The following AP2B1 variants were observed in gnomAD, a reference collection of about 807,000 sequenced individuals.
AP2B1 encodes AP-2 complex subunit beta.
In AP2B1, 23 loss-of-function variants were observed where a neutral mutation model predicts 102.0. That is an observed-to-expected ratio of 0.23 (90% CI 0.16 to 0.32). The LOEUF (loss-of-function observed/expected upper bound fraction) is 0.32. Ranked by LOEUF, AP2B1 falls within the 10% of genes least tolerant of loss-of-function variation. AP2B1 has a pLI of 1.00. For synonymous variants in AP2B1, 381 were observed against 421.2 expected, an observed-to-expected ratio of 0.90 and a Z score of 1.17; for missense variants, 541 against 1,157.4, an observed-to-expected ratio of 0.47 and a Z score of 7.73.
At chr17:35,677,138 T>C (rs187768583) in intron 17 of AP2B1, among the ~76,000 whole-genome samples, 133 of 152,208 alleles carry the variant, frequency 8.7e-4, no homozygotes, top group African/African-American at 3.0e-3. Flanking sequence ...TACACCTGTG[T>C]ACCACCACAC....
intron 2 of AP2B1, among the ~76,000 whole-genome samples, chr17:35,595,344 G>T (rs2073231781): frequency 6.6e-6 from 1 of 152,096 alleles, no homozygotes; most frequent in African/African-American, 2.4e-5. Flanking sequence ...AGGAGTTTGA[G>T]ACCAGCCTGG....
chr17:35,624,098 G>A (rs1001409709), intron 5 of AP2B1, among the ~76,000 whole-genome samples: 2 of 152,094 alleles, frequency 1.3e-5, no homozygotes, highest in African/African-American at 4.8e-5. Flanking sequence ...CATATGTCTT[G>A]ATTTTGAAAG....
chr17:35,631,022 A>G (rs760082539), intron 9 of AP2B1, among the ~76,000 whole-genome samples: 16 of 152,344 alleles, frequency 1.1e-4, no homozygotes, highest in South Asian at 1.0e-3. Flanking sequence ...CAGCATAAGA[A>G]TTGTAATGAA....
intron 2 of AP2B1, among the ~76,000 whole-genome samples, 188 bp from the exon 3 acceptor site, chr17:35,598,042 C>T (rs75787089): frequency 0.063 from 9,527 of 152,244 alleles, 414 homozygotes; most frequent in Middle Eastern, 0.11. Flanking sequence ...ATTTTTAAAA[C>T]TTACTGATGG....
intron 5 of AP2B1, among the ~76,000 whole-genome samples, chr17:35,611,027 A>T (rs2073846374): frequency 6.6e-6 from 1 of 152,078 alleles, no homozygotes; most frequent in South Asian, 2.1e-4. Context: ...GTGAGCTATG[A>T]TTGCACCACT....
At chr17:35,620,716 C>G (rs2074150957) in intron 5 of AP2B1, among the ~76,000 whole-genome samples, 2 of 152,048 alleles carry the variant, frequency 1.3e-5, no homozygotes, top group South Asian at 4.1e-4. Flanking sequence ...ACTCAGGAGG[C>G]TGAGGTGGAA....
In AP2B1 at chr17:35,610,741, A is replaced by G. The variant is rs900226803; in HGVS notation, c.525+2354A>G. On this transcript the variant is annotated intron_variant, in intron 5 of 21. Transcript: ENST00000610402. Reference sequence around the variant, plus strand: ...GCTAACGCGGTGAATCCCCGTCTCTACTAAAAATACAAAAAATTAGCCGGG... The same window carrying G: ...GCTAACGCGGTGAATCCCCGTCTCTGCTAAAAATACAAAAAATTAGCCGGG... 3.2e-4 allele frequency among the ~76,000 whole-genome samples: 48 copies of G among 151,866 alleles called. 1 individual carries two copies.
At chr17:35,590,667 T>C (rs961927798) in intron 1 of AP2B1, among the ~76,000 whole-genome samples, 3 of 152,172 alleles carry the variant, frequency 2.0e-5, no homozygotes, top group Non-Finnish European at 2.9e-5. Context: ...ATCTATCTTA[T>C]AGGCTTCTAA....
At chr17:35,693,823 T>C (rs918525901) in intron 18 of AP2B1, among the ~76,000 whole-genome samples, 4 of 152,182 alleles carry the variant, frequency 2.6e-5, no homozygotes, top group Non-Finnish European at 4.4e-5. Context: ...TATGACCTTC[T>C]TCCCCAGTGG....
chr17:35,709,202 G>T, intron 18 of AP2B1, 22 bp from the exon 19 acceptor site: 1 of 1,611,904 alleles, frequency 6.2e-7, no homozygotes, highest in South Asian at 1.1e-5. Flanking sequence ...GTCCTCATTT[G>T]ACCTTGTTGC....
chr17:35,650,464 A>G, intron 12 of AP2B1, 66 bp from the exon 13 acceptor site: 1 of 1,558,074 alleles, frequency 6.4e-7, no homozygotes, highest in Non-Finnish European at 8.7e-7. Flanking sequence ...TGATAAATCC[A>G]GCAGTTTGGG....
intron 3 of AP2B1, among the ~76,000 whole-genome samples, chr17:35,604,136 C>A (rs1255269365): frequency 6.6e-6 from 1 of 151,992 alleles, no homozygotes; most frequent in Non-Finnish European, 1.5e-5. Context: ...GAGATGGGGT[C>A]TCTCTCTGTT....
chr17:35,681,371 T>C (rs2075819466), intron 17 of AP2B1, among the ~76,000 whole-genome samples: 1 of 152,242 alleles, frequency 6.6e-6, no homozygotes, highest in Non-Finnish European at 1.5e-5. Context: ...ATTATACTTC[T>C]CTTTACAGAG....
At chr17:35,617,294 G>A (rs988400306) in intron 5 of AP2B1, among the ~76,000 whole-genome samples, 1 of 152,164 alleles carries the variant, frequency 6.6e-6, no homozygotes, top group African/African-American at 2.4e-5. Flanking sequence ...GACCTCAAGT[G>A]ATCCGCCTGC....
At chr17:35,656,618 G>A (rs765848026) in intron 13 of AP2B1, among the ~76,000 whole-genome samples, 9 of 152,132 alleles carry the variant, frequency 5.9e-5, no homozygotes, top group African/African-American at 1.2e-4. Context: ...ACTCTTGGCC[G>A]GGTGCGGTGG....
intron 17 of AP2B1, among the ~76,000 whole-genome samples, chr17:35,680,002 C>T (rs919881962): frequency 6.7e-6 from 1 of 150,360 alleles, no homozygotes; most frequent in Non-Finnish European, 1.5e-5. Flanking sequence ...TCTTGGCTCA[C>T]TGCAACCTCC....
At chr17:35,641,369 A>G (rs185654868) in intron 11 of AP2B1, among the ~76,000 whole-genome samples, 3 of 152,184 alleles carry the variant, frequency 2.0e-5, no homozygotes, top group African/African-American at 4.8e-5. Context: ...AGCCAGGGCT[A>G]TGAGACCAGC....
chr17:35,673,479 G>T (rs112519034), intron 16 of AP2B1, among the ~76,000 whole-genome samples: 1 of 152,024 alleles, frequency 6.6e-6, no homozygotes, highest in Non-Finnish European at 1.5e-5. Context: ...GAGCCACCAC[G>T]CCTGGCCTTA....
At chr17:35,607,074 T>A (rs2073704111) in intron 4 of AP2B1, among the ~76,000 whole-genome samples, 2 of 152,116 alleles carry the variant, frequency 1.3e-5, no homozygotes, top group South Asian at 4.1e-4. Context: ...CCTGGCTAAT[T>A]TTGTATATTT....
Sources: gnomAD v4.1 joint callset for allele counts (sites outside exome capture counted in the v4.1 genomes callset) on GRCh38, gnomAD v4.1.1 for gene constraint, MANE v1.5 for transcripts, NCBI Gene and HGNC (gene_info 2026-07-23, HGNC 2026-07-21) for gene names.